Variants in ZNF653 observed in about 807,000 individuals in gnomAD.
ZNF653 encodes the protein zinc finger protein 653.
Under a neutral mutation model 59.9 loss-of-function variants are expected in ZNF653, and 37 were observed. The observed-to-expected ratio is 0.62, with a 90% confidence interval of 0.48 to 0.81. The LOEUF is 0.81. ZNF653 is among the 40% of genes least tolerant of loss of function. The pLI, the probability that ZNF653 is intolerant of heterozygous loss-of-function variation, is 0.00. For missense variants in ZNF653, 808 were observed against 881.1 expected (o/e 0.92, Z 1.05); for synonymous variants, 435 against 371.8 (o/e 1.17, Z -1.96).
chr19:11,494,964 G>A (rs918985180), intron 3 of ZNF653, among the ~76,000 whole-genome samples: 3 of 152,222 alleles, frequency 2.0e-5, no homozygotes, highest in African/African-American at 7.2e-5. Flanking sequence ...TGGGGCAGCC[G>A]AGAGGCCACT....
chr19:11,500,818 G>C (rs1971636430), intron 1 of ZNF653: 1 of 152,298 alleles, frequency 6.6e-6, no homozygotes, highest in South Asian at 2.1e-4. Flanking sequence ...GTCTCCGTCT[G>C]TGAAGTGGAA....
intron 3 of ZNF653, among the ~76,000 whole-genome samples, chr19:11,489,388 C>G (rs1056514283): frequency 6.6e-6 from 1 of 152,098 alleles, no homozygotes; most frequent in Non-Finnish European, 1.5e-5. Context: ...TTAGTAGAGA[C>G]GGGATTCCCC....
rs1313121555 is a variant in ZNF653, at chr19:11,505,793, C to T, written c.-7G>A. The T allele has an allele frequency of 3.5e-5, 49 of 1,396,234 alleles. No homozygotes were observed. The highest frequency in any genetic ancestry group is 4.7e-5 in the South Asian group (3 of 63,380). The allele number at this position is 1,396,234 out of a possible 1,614,324, so 86.5% of individuals were successfully genotyped here. A position where few individuals can be genotyped will look rare whatever the true frequency, so the allele number is the denominator to read the frequency against. On this transcript the variant is annotated 5_prime_UTR_variant, in exon 1 of 9. Coordinates refer to ENST00000293771, the MANE Select transcript of ZNF653 (RefSeq NM_138783.4). ...CTAGCGCCCGCTCCGCCATCCCCCC[C>T]ACCCTGGTTACCAGCCTCCCCCGTT... is the stretch of plus-strand genomic sequence containing the variant.
chr19:11,486,975 C>T lies in ZNF653; in HGVS notation c.1343+12G>A, dbSNP rs533973451. 1.2e-6 allele frequency: 2 copies of T among 1,613,072 alleles called. No homozygotes were observed. The highest frequency in any genetic ancestry group is 2.2e-5 in the South Asian group (2 of 90,954). ...AGCCCTCGCCCTCACCCTTGCCCGC[C>T]CCGGCACCCACTTCTCAGGCTCCTT... On this transcript the variant is annotated intron_variant, in intron 5 of 8. Coordinates refer to ENST00000293771, the MANE Select transcript of ZNF653 (RefSeq NM_138783.4).
Position 11,486,943 on chromosome 19 carries a change from C to T in ZNF653, c.1343+44G>A, listed in dbSNP as rs191465660. ...CCAGGCAGGCTGGGGGCCTGCGGGC[C>T]GCTTCTAGCCCTCGCCCTCACCCTT... On this transcript the variant is annotated intron_variant, in intron 5 of 8. Coordinates refer to ENST00000293771, the MANE Select transcript of ZNF653 (RefSeq NM_138783.4). 3,476 of 1,610,622 alleles carry T rather than the reference C, an allele frequency of 2.2e-3. 177 individuals carry two copies. The Admixed American group carries it at 0.056, about 26-fold the overall frequency.
In ZNF653 at chr19:11,484,112, C is replaced by A; in HGVS notation, c.1600G>T (p.Gly534Cys). The A allele has an allele frequency of 6.4e-7, 1 of 1,554,838 alleles. No individual in the cohort carries two copies. The change falls in exon 8 of 9, where the codon GGC becomes TGC. Residue 534 changes from glycine to cysteine, a missense_variant. Coordinates refer to ENST00000293771, the MANE Select transcript of ZNF653 (RefSeq NM_138783.4). ...TGGTTCTTCCTCTTGAAGGACTTGC[C>A]GCAGGTCTCGCAGGTGAATTCACGG... ...GVREFTCETC[G>C]KSFKRKNHLE... is the part of the protein sequence containing the mutation.
chr19:11,492,670 C>A (rs951628556), intron 3 of ZNF653, among the ~76,000 whole-genome samples: 6 of 152,004 alleles, frequency 3.9e-5, no homozygotes, highest in Admixed American at 3.9e-4. Context: ...ATTGGTTTAT[C>A]CTGCTTACAA....
intron 1 of ZNF653, among the ~76,000 whole-genome samples, chr19:11,501,705 C>T (rs370015717): frequency 6.6e-6 from 1 of 152,196 alleles, no homozygotes; most frequent in Non-Finnish European, 1.5e-5. Context: ...CCACTGGCAC[C>T]GGGCTGCTGC....
intron 2 of ZNF653, among the ~76,000 whole-genome samples, chr19:11,497,589 A>G (rs1157478229): frequency 1.3e-5 from 2 of 152,204 alleles, no homozygotes; most frequent in Non-Finnish European, 2.9e-5. Flanking sequence ...GGGAAATGGT[A>G]TCTGACTCTT....
At chr19:11,505,407 A>C (rs2144957768) in intron 1 of ZNF653, 81 bp downstream of exon 1, 21 of 1,319,666 alleles carry the variant, frequency 1.6e-5, no homozygotes, top group Non-Finnish European at 2.0e-5. Flanking sequence ...GGCTGGCCCT[A>C]GAAGCGGAGG....
At chr19:11,505,456 T>C (rs1971706513) in intron 1 of ZNF653, 32 bp downstream of exon 1, 2 of 1,386,502 alleles carry the variant, frequency 1.4e-6, no homozygotes, top group African/African-American at 3.1e-5. Flanking sequence ...GGGCGTCTCC[T>C]CCCTCCCTCC....
At chr19:11,485,328 A>G (rs958203317) in intron 7 of ZNF653, among the ~76,000 whole-genome samples, 3 of 151,960 alleles carry the variant, frequency 2.0e-5, no homozygotes, top group Non-Finnish European at 2.9e-5. Flanking sequence ...AGGTGCTGCT[A>G]TAGGTTCCAA....
chr19:11,505,733 C>G lies in ZNF653; in HGVS notation c.54G>C (p.Ala18=). The change falls in exon 1 of 9, where the codon GCG becomes GCC. Residue 18 remains alanine, a synonymous_variant. Coordinates refer to ENST00000293771, the MANE Select transcript of ZNF653 (RefSeq NM_138783.4). ...CCTCCTCGGCTGCTGCCTCCCCGCC[C>G]GCGCCCGCCTCAGCCTCCGCCTCCG... The part of the protein sequence containing the change: ...PEAEAEAEAG[A]GGEAAAEEGA... The G allele has an allele frequency of 2.1e-6, 3 of 1,455,806 alleles. No homozygotes were observed. Among genetic ancestry groups the G allele is most frequent in the Non-Finnish European group, 2.7e-6 (3 of 1,114,202 alleles). The allele number at this position is 1,455,806 out of a possible 1,614,324, so 90.2% of individuals were successfully genotyped here.
At chr19:11,493,062 T>TG (rs1971545908) in intron 3 of ZNF653, among the ~76,000 whole-genome samples, 1 of 124,612 alleles carries the variant, frequency 8.0e-6, no homozygotes, top group East Asian at 2.3e-4. Flanking sequence ...CTCGGGAGTG[T>TG]TTTTTTTTTT....
chr19:11,494,947 C>T (rs566694643), intron 3 of ZNF653, among the ~76,000 whole-genome samples: 1 of 152,326 alleles, frequency 6.6e-6, no homozygotes, highest in African/African-American at 2.4e-5. Flanking sequence ...GAATGCAGAT[C>T]ATGGGATGGG....
intron 1 of ZNF653, chr19:11,505,281 A>C (rs1971700228): frequency 5.9e-6 from 3 of 512,402 alleles, no homozygotes; most frequent in South Asian, 3.1e-5. Context: ...GGTGCACCCT[A>C]GGATTGGGCA....
At position 11,486,845 on chromosome 19, in the gene ZNF653, G is replaced by A; in HGVS notation, c.1379C>T (p.Ala460Val). The A allele has an allele frequency of 6.2e-7, 1 of 1,612,026 alleles. No homozygotes were observed. Among genetic ancestry groups the A allele is most frequent in the African/African-American group, 1.3e-5 (1 of 74,984 alleles). Residue 460 changes from alanine to valine, a missense_variant, in exon 6 of 9, where the codon GCT becomes GTT. By Grantham distance (64) the Ala-to-Val change is moderately conservative. Transcript: ENST00000293771. The part of the protein sequence containing the change: ...RRSKRSRVMD[A>V]DGLLEMFHCP... ...GTGGAACATCTCGAGCAGGCCGTCA[G>A]CATCCATCACCCGCGACCGCTTGCT...
intron 3 of ZNF653, among the ~76,000 whole-genome samples, chr19:11,494,652 C>T (rs1306361984): frequency 1.3e-5 from 2 of 152,184 alleles, no homozygotes; most frequent in East Asian, 3.8e-4. Flanking sequence ...CGCGCCATTG[C>T]ACTCCAGCCT....
In ZNF653 at chr19:11,505,668, G is replaced by C. The variant is rs1246903609; in HGVS notation, c.119C>G (p.Thr40Arg). ...GRKARGRPRL[T>R]ESDRARRRLE... Reference sequence around the variant, plus strand: ...CCGTCGCCGGGCCCGGTCCGACTCCGTGAGTCGCGGCCGGCCCCGCGCCTT... The same window carrying C: ...CCGTCGCCGGGCCCGGTCCGACTCCCTGAGTCGCGGCCGGCCCCGCGCCTT... The change falls in exon 1 of 9, where the codon ACG (threonine) becomes AGG (arginine). Residue 40 changes from threonine to arginine, a missense_variant. Physicochemically the swap from Thr to Arg is moderately conservative, Grantham distance 71. Transcript: ENST00000293771. 6.7e-7 allele frequency: 1 copy of C among 1,493,252 alleles called. No individual in the cohort carries two copies. Among genetic ancestry groups the C allele is most frequent in the South Asian group, 1.3e-5 (1 of 79,364 alleles). 92.5% of individuals were successfully genotyped at this position (1,493,252 alleles called of 1,614,324 possible). A position where few individuals can be genotyped will look rare whatever the true frequency, so the allele number is the denominator to read the frequency against.
Sources: gnomAD v4.1 joint callset for allele counts (sites outside exome capture counted in the v4.1 genomes callset) on GRCh38, gnomAD v4.1.1 for gene constraint, MANE v1.5 for transcripts, NCBI Gene and HGNC (gene_info 2026-07-23, HGNC 2026-07-21) for gene names.